ASIP: variants seen among roughly 807,000 people sequenced by gnomAD.
ASIP encodes agouti-signaling protein.
A neutral mutation model predicts 10.3 loss-of-function variants in ASIP; 11 were observed. The observed-to-expected ratio is 1.07, with a 90% CI of 0.68 to 1.78. ASIP has a LOEUF of 1.78. ASIP is among the 40% of genes most tolerant of loss of function. The probability of loss-of-function intolerance (pLI) is 0.00; values close to 1 mark genes in which losing one functional copy is unlikely to be tolerated. For missense variants in ASIP, 180 were observed against 169.2 expected, an observed-to-expected ratio of 1.06 and a Z score of -0.35; for synonymous variants, 70 against 70.8, an observed-to-expected ratio of 0.99 and a Z score of 0.06.
intron 1 of ASIP, among the ~76,000 whole-genome samples, chr20:34,235,786 GAAGA>G (rs572242709): frequency 0.033 from 1,995 of 61,358 alleles, 165 homozygotes; most frequent in Admixed American, 0.056. Context: ...CTCTGAGAAA[GAAGA>G]AAGAAAGAAA....
chr20:34,261,508 C>T (rs2035691189), intron 2 of ASIP, among the ~76,000 whole-genome samples: 1 of 152,166 alleles, frequency 6.6e-6, no homozygotes, highest in African/African-American at 2.4e-5. Flanking sequence ...GTAGCATGCG[C>T]CTGTAGTCCT....
At chr20:34,215,930 G>T in intron 1 of ASIP, 1 of 809,378 alleles carries the variant, frequency 1.2e-6, no homozygotes, top group Non-Finnish European at 2.2e-6. Flanking sequence ...GTTATAATAG[G>T]CTTGCCCTCT....
intron 1 of ASIP, among the ~76,000 whole-genome samples, chr20:34,243,803 G>A (rs199505303): frequency 1.3e-5 from 2 of 150,238 alleles, no homozygotes; most frequent in African/African-American, 4.9e-5. Context: ...GGTGGCTCAC[G>A]CCTGTAATCC....
At chr20:34,205,427 C>T (rs1204730067) in intron 1 of ASIP, among the ~76,000 whole-genome samples, 1 of 151,718 alleles carries the variant, frequency 6.6e-6, no homozygotes, top group South Asian at 2.1e-4. Flanking sequence ...GGCTCGTGGT[C>T]TCGCTGGCTT....
At chr20:34,212,463 A>G (rs1261390224) in intron 1 of ASIP, among the ~76,000 whole-genome samples, 1 of 152,172 alleles carries the variant, frequency 6.6e-6, no homozygotes, top group Non-Finnish European at 1.5e-5. Context: ...TGAATTTCCA[A>G]AGAATAAGAA....
upstream of ASIP, among the ~76,000 whole-genome samples, chr20:34,237,693 T>C (rs2035228492): frequency 6.6e-6 from 1 of 152,164 alleles, no homozygotes; most frequent in Non-Finnish European, 1.5e-5. Flanking sequence ...CTATTTTGAG[T>C]AGAGGTGGTG....
At chr20:34,241,039 G>A (rs767740821), upstream of ASIP, among the ~76,000 whole-genome samples, 7 of 152,124 alleles carry the variant, frequency 4.6e-5, no homozygotes, top group African/African-American at 1.4e-4. Flanking sequence ...TGCTATCCAC[G>A]GACAGGAAAG....
chr20:34,193,064 T>A, upstream of ASIP, among the ~76,000 whole-genome samples: 1 of 152,340 alleles, frequency 6.6e-6, no homozygotes. Context: ...CTAACTGTAT[T>A]TTTGTACCCA....
At chr20:34,241,618 TG>T in intron 1 of ASIP, 129 bp downstream of exon 1, 1 of 839,410 alleles carries the variant, frequency 1.2e-6, no homozygotes, top group Non-Finnish European at 1.4e-6. Flanking sequence ...TTCACTTTTG[TG>T]GGTCAGAGTA....
rs185317085 is a variant in ASIP at position 34,256,659 on chromosome 20, A to T, written c.-10-3706A>T. Among the ~76,000 whole-genome samples the T allele has an allele frequency of 2.0e-3, 303 of 152,260 alleles. 5 individuals carry two copies. The highest frequency in any genetic ancestry group is 3.5e-4 in the Non-Finnish European group (24 of 68,020). On this transcript the variant is annotated intron_variant, in intron 1 of 3. Coordinates refer to ENST00000374954, the MANE Select transcript of ASIP (RefSeq NM_001672.3). ...TCACTTCTTTGTAGAAATTCCCATT[A>T]CAGTTTTTGGCCCATGAGTATATTA...
chr20:34,214,331 C>T, intron 1 of ASIP: 1 of 1,314,410 alleles, frequency 7.6e-7, no homozygotes, highest in Non-Finnish European at 1.1e-6. Flanking sequence ...CTGTGAAAAA[C>T]TTTTCATATC....
At chr20:34,227,921 T>C (rs2035103989) in intron 1 of ASIP, among the ~76,000 whole-genome samples, 1 of 152,186 alleles carries the variant, frequency 6.6e-6, no homozygotes, top group South Asian at 2.1e-4. Flanking sequence ...GACAAGTCAG[T>C]AGTTCAGAAT....
At chr20:34,268,515 GA>G (rs1236729232) in intron 3 of ASIP, among the ~76,000 whole-genome samples, 1 of 152,098 alleles carries the variant, frequency 6.6e-6, no homozygotes, top group African/African-American at 2.4e-5. Flanking sequence ...TTTAGCTCAA[GA>G]GTTTGAGACC....
intron 3 of ASIP, among the ~76,000 whole-genome samples, chr20:34,263,615 A>G (rs1601616431): frequency 7.8e-6 from 1 of 128,814 alleles, no homozygotes; most frequent in East Asian, 1.9e-4. Context: ...TCTTGAACAC[A>G]TGTGTTTGAA....
chr20:34,254,521 G>A (rs1044601199), intron 1 of ASIP, among the ~76,000 whole-genome samples: 3 of 152,084 alleles, frequency 2.0e-5, no homozygotes, highest in African/African-American at 7.2e-5. Flanking sequence ...AACTCATTTG[G>A]CAGCAAAATC....
Position 34,251,364 on chromosome 20 carries a change from C to T in ASIP, c.-10-9001C>T, listed in dbSNP as rs1046627938. Among the ~76,000 whole-genome samples, 79 of 152,064 alleles carry T rather than the reference C, an allele frequency of 5.2e-4. No individual in the cohort carries two copies. The Middle Eastern group carries it at 0.014, about 26-fold the overall frequency. On this transcript the variant is annotated intron_variant, in intron 1 of 3. Coordinates refer to ENST00000374954, the MANE Select transcript of ASIP (RefSeq NM_001672.3). ...CGGCTCACTGCAACCTCCACCTCCC[C>T]GGTTCACACCATTCTCCTGCCTCAG...
At chr20:34,203,272 T>C (rs2034912855) in intron 1 of ASIP, among the ~76,000 whole-genome samples, 1 of 152,106 alleles carries the variant, frequency 6.6e-6, no homozygotes, top group African/African-American at 2.4e-5. Flanking sequence ...ATCCCTTCAC[T>C]AGTTGAAGTC....
chr20:34,244,132 T>G (rs1334559430), intron 1 of ASIP, among the ~76,000 whole-genome samples: 1 of 152,202 alleles, frequency 6.6e-6, no homozygotes, highest in African/African-American at 2.4e-5. Flanking sequence ...AACCATGGTT[T>G]TGTGGGCTCT....
chr20:34,222,824 T>G (rs1367561961), intron 1 of ASIP, among the ~76,000 whole-genome samples: 165 of 138,984 alleles, frequency 1.2e-3, no homozygotes, highest in Middle Eastern at 3.8e-3. Context: ...GAGACGGGGT[T>G]TCGCTGTGTT....
Sources: gnomAD v4.1 joint callset for allele counts (sites outside exome capture counted in the v4.1 genomes callset) on GRCh38, gnomAD v4.1.1 for gene constraint, MANE v1.5 for transcripts, NCBI Gene and HGNC (gene_info 2026-07-23, HGNC 2026-07-21) for gene names.